RAD54L2: variants seen among roughly 807,000 people sequenced by gnomAD.
The protein encoded by RAD54L2 is RAD54 like 2, also known as helicase ARIP4.
Under a neutral mutation model 138.4 loss-of-function variants are expected in RAD54L2, and 27 were observed. That is an observed-to-expected ratio of 0.20 (90% CI 0.14 to 0.27). The LOEUF (loss-of-function observed/expected upper bound fraction) is 0.27, where lower values mean the gene tolerates loss of function less well. Ranked by LOEUF, RAD54L2 falls within the 10% of genes least tolerant of loss-of-function variation. The pLI is 1.00. For missense variants in RAD54L2, 1,396 were observed against 1,890.2 expected (o/e 0.74, Z 4.85); for synonymous variants, 644 against 723.2 (o/e 0.89, Z 1.76).
intron 21 of RAD54L2, among the ~76,000 whole-genome samples, chr3:51,659,462 T>G (rs1312811490): frequency 2.0e-5 from 3 of 152,174 alleles, no homozygotes; most frequent in Non-Finnish European, 4.4e-5. Flanking sequence ...AAGGCAGCAC[T>G]GACATTCGAG....
intron 2 of RAD54L2, among the ~76,000 whole-genome samples, chr3:51,552,705 T>TG (rs1428098482): frequency 6.6e-6 from 1 of 151,660 alleles, no homozygotes; most frequent in Non-Finnish European, 1.5e-5. Context: ...CTGAGGTAGC[T>TG]GGGATTACAG....
chr3:51,581,052 A>G (rs1447344566), intron 2 of RAD54L2, among the ~76,000 whole-genome samples: 2 of 152,196 alleles, frequency 1.3e-5, no homozygotes, highest in Non-Finnish European at 2.9e-5. Flanking sequence ...CTATTTTAAA[A>G]GAATTGGTAA....
chr3:51,568,673 G>T (rs1229867470), intron 2 of RAD54L2, among the ~76,000 whole-genome samples: 3 of 152,082 alleles, frequency 2.0e-5, no homozygotes, highest in African/African-American at 7.2e-5. Context: ...GACCTACATG[G>T]TACTCTTAAC....
At chr3:51,575,999 C>T (rs1160013012) in intron 2 of RAD54L2, among the ~76,000 whole-genome samples, 1 of 152,054 alleles carries the variant, frequency 6.6e-6, no homozygotes, top group African/African-American at 2.4e-5. Context: ...ATAAATAACT[C>T]TTATTATTTT....
chr3:51,551,165 G>A (rs998529580), intron 2 of RAD54L2, among the ~76,000 whole-genome samples: 1 of 151,628 alleles, frequency 6.6e-6, no homozygotes, highest in African/African-American at 2.4e-5. Flanking sequence ...CAAGGTCTCA[G>A]TCTGTCACCT....
chr3:51,592,628 G>A (rs977096504), intron 3 of RAD54L2, among the ~76,000 whole-genome samples: 4 of 150,802 alleles, frequency 2.7e-5, no homozygotes, highest in African/African-American at 9.8e-5. Context: ...TGGCTGGAGT[G>A]CAATGGCGCG....
rs781338891 is a variant in RAD54L2, at chr3:51,663,450, G to A, written c.*30G>A. 6.3e-7 allele frequency: 1 copy of A among 1,591,560 alleles called. No homozygotes were observed. The highest frequency in any genetic ancestry group is 8.6e-7 in the Non-Finnish European group (1 of 1,166,872). Reference sequence around the variant, plus strand: ...GGAGCCCCTCCCCACCTCACTTGGGGCCCCCAGCAGGTTGCCCACCAAGCT... The same window carrying A: ...GGAGCCCCTCCCCACCTCACTTGGGACCCCCAGCAGGTTGCCCACCAAGCT... On this transcript the variant is annotated 3_prime_UTR_variant, in exon 23 of 23. Coordinates refer to ENST00000684192, the MANE Select transcript of RAD54L2 (RefSeq NM_015106.4).
rs925275976 is a variant in RAD54L2 at position 51,667,168 on chromosome 3, C to G, written c.*3748C>G. The G allele has an allele frequency of 6.6e-6, 1 of 150,390 alleles. No individual in the cohort carries two copies. The highest frequency in any genetic ancestry group is 2.5e-5 in the African/African-American group (1 of 40,054). The allele number at this position is 150,390 out of a possible 1,614,324, so 9.3% of individuals were successfully genotyped here. ...GGATATTACCTTCTGCTTCCCACTT[C>G]CTTTTTTTTTTTTTTGAGACAGAGT... is the stretch of plus-strand genomic sequence containing the variant. On this transcript the variant is annotated 3_prime_UTR_variant, in exon 23 of 23. Coordinates refer to ENST00000684192, the MANE Select transcript of RAD54L2 (RefSeq NM_015106.4).
intron 7 of RAD54L2, among the ~76,000 whole-genome samples, chr3:51,632,554 C>T (rs572119627): frequency 1.3e-5 from 2 of 151,308 alleles, no homozygotes; most frequent in East Asian, 4.0e-4. Flanking sequence ...CTTGGCCTCC[C>T]AAAGCGCCAG....
intron 3 of RAD54L2, among the ~76,000 whole-genome samples, chr3:51,613,773 A>G (rs992466814): frequency 2.0e-4 from 30 of 152,250 alleles, no homozygotes; most frequent in African/African-American, 7.2e-4. Context: ...TCCAAAAAAA[A>G]AAAAAAAAAA....
intron 2 of RAD54L2, among the ~76,000 whole-genome samples, chr3:51,573,933 G>T (rs1170087967): frequency 6.6e-6 from 1 of 151,876 alleles, no homozygotes; most frequent in Non-Finnish European, 1.5e-5. Context: ...TGCCATGTTG[G>T]TGTGCTGCAC....
intron 2 of RAD54L2, among the ~76,000 whole-genome samples, chr3:51,566,475 T>G (rs892452542): frequency 3.8e-5 from 5 of 130,348 alleles, no homozygotes; most frequent in Non-Finnish European, 8.2e-5. Flanking sequence ...CGTTTTTTTT[T>G]TTTTTTTTTT....
chr3:51,609,949 G>T (rs1273209639), intron 3 of RAD54L2, among the ~76,000 whole-genome samples: 2 of 141,666 alleles, frequency 1.4e-5, no homozygotes, highest in Non-Finnish European at 3.0e-5. Flanking sequence ...CCATACCTCT[G>T]TTACCATTTA....
At chr3:51,579,694 C>T (rs1013317900) in intron 2 of RAD54L2, among the ~76,000 whole-genome samples, 1 of 152,066 alleles carries the variant, frequency 6.6e-6, no homozygotes, top group African/African-American at 2.4e-5. Flanking sequence ...TTTAAAGGTA[C>T]AGTTTAGGGG....
intron 2 of RAD54L2, among the ~76,000 whole-genome samples, chr3:51,569,975 G>A (rs1228036342): frequency 7.3e-5 from 11 of 151,584 alleles, no homozygotes; most frequent in Non-Finnish European, 1.6e-4. Flanking sequence ...TGGGTCTACG[G>A]ACGTGCACCA....
rs1391063048 is a variant in RAD54L2, at chr3:51,663,997, G to A, written c.*577G>A. On this transcript the variant is annotated 3_prime_UTR_variant, in exon 23 of 23. Transcript: ENST00000684192. ...TTTGTATGTGTATGTATGGAACAGA[G>A]CAGGGGTGAAGGTGGGAGGGGAGGG... 6.6e-6 allele frequency: 1 copy of A among 152,380 alleles called. No individual in the cohort carries two copies. Among genetic ancestry groups the A allele is most frequent in the Non-Finnish European group, 1.5e-5 (1 of 68,260 alleles). 9.4% of individuals were successfully genotyped at this position (152,380 alleles called of 1,614,324 possible).
At chr3:51,561,887 G>A (rs1699107358) in intron 2 of RAD54L2, among the ~76,000 whole-genome samples, 1 of 151,464 alleles carries the variant, frequency 6.6e-6, no homozygotes, top group Non-Finnish European at 1.5e-5. Flanking sequence ...ATTTATTGTT[G>A]AGACAAGGTC....
At chr3:51,656,576 C>A (rs1233252540) in intron 20 of RAD54L2, among the ~76,000 whole-genome samples, 1 of 152,102 alleles carries the variant, frequency 6.6e-6, no homozygotes, top group Non-Finnish European at 1.5e-5. Context: ...CTTGCGTCTA[C>A]CTTTGCGAGT....
intron 2 of RAD54L2, among the ~76,000 whole-genome samples, chr3:51,565,437 A>G (rs1265925300): frequency 6.6e-6 from 1 of 152,156 alleles, no homozygotes; most frequent in Non-Finnish European, 1.5e-5. Flanking sequence ...GTGTGTTTAT[A>G]TACTTGTAGG....
Sources: gnomAD v4.1 joint callset for allele counts (sites outside exome capture counted in the v4.1 genomes callset) on GRCh38, gnomAD v4.1.1 for gene constraint, MANE v1.5 for transcripts, NCBI Gene and HGNC (gene_info 2026-07-23, HGNC 2026-07-21) for gene names.